Variants in MAPK10 observed in about 807,000 individuals in gnomAD.
MAPK10 encodes the protein JNK3 alpha protein kinase.
MAPK10 carries 25 observed loss-of-function variants against 59.3 expected under a neutral mutation model. The observed-to-expected ratio is 0.42, with a 90% CI of 0.31 to 0.59. The LOEUF is 0.59. Ranked by LOEUF, MAPK10 falls within the 20% of genes least tolerant of loss-of-function variation. MAPK10 has a pLI of 0.15. For synonymous variants in MAPK10, 190 were observed against 200.5 expected, an observed-to-expected ratio of 0.95 and a Z score of 0.44; for missense variants, 351 against 568.9, an observed-to-expected ratio of 0.62 and a Z score of 3.90.
chr4:86,186,170 G>C (rs1582233914), intron 3 of MAPK10, among the ~76,000 whole-genome samples: 2 of 152,030 alleles, frequency 1.3e-5, no homozygotes. Context: ...TAAAATATAG[G>C]TATTATTATT....
Position 86,159,321 on chromosome 4 carries a change from G to C in MAPK10, c.213C>G (p.Gly71=). 1 of 1,611,210 alleles carries C rather than the reference G, an allele frequency of 6.2e-7. No individual in the cohort carries two copies. Among genetic ancestry groups the C allele is most frequent in the Non-Finnish European group, 8.5e-7 (1 of 1,178,314 alleles). ...LKRYQNLKPI[G]SGAQGIVCAA... ...ACCAAACTATGCCCTGAGCCCCAGA[G>C]CCAATAGGCTTTAGATTCTGGTAGC... Residue 71 remains glycine, a synonymous_variant, in exon 4 of 14, where the codon GGC becomes GGG. Coordinates refer to ENST00000641462, the MANE Select transcript of MAPK10 (RefSeq NM_138982.4).
At chr4:86,153,167 A>T (rs549010984) in intron 4 of MAPK10, among the ~76,000 whole-genome samples, 14 of 152,346 alleles carry the variant, frequency 9.2e-5, no homozygotes, top group South Asian at 8.3e-4. Context: ...GCATCACTTA[A>T]CTATTTAATC....
At chr4:86,204,820 G>A (rs74820938) in intron 2 of MAPK10, among the ~76,000 whole-genome samples, 12,878 of 151,854 alleles carry the variant, frequency 0.085, 1,204 homozygotes, top group African/African-American at 0.23. Flanking sequence ...ATTGTAGATG[G>A]GGAAATGGCA....
chr4:86,210,645 A>T (rs1454209947), intron 2 of MAPK10, among the ~76,000 whole-genome samples: 1 of 151,940 alleles, frequency 6.6e-6, no homozygotes, highest in Non-Finnish European at 1.5e-5. Flanking sequence ...CATGAAAATT[A>T]AAAACTTTAA....
intron 11 of MAPK10, among the ~76,000 whole-genome samples, chr4:86,045,167 G>C (rs1392295654): frequency 6.6e-6 from 1 of 151,564 alleles, no homozygotes; most frequent in Non-Finnish European, 1.5e-5. Flanking sequence ...CTGTTCTGTA[G>C]TTTTCTCAGA....
rs115247117 is a variant in MAPK10, at chr4:86,485,947, G to A, written c.-263+107963C>T. On this transcript the variant is annotated intron_variant, in intron 1 of 4. Transcript: ENST00000502302. ...GCACCTTTATTGTGAACTTCCAGCC[G>A]CCTGAGAAGTGAAAAATAAAATTCT... Among the ~76,000 whole-genome samples, 1,448 of 152,278 alleles carry A rather than the reference G, an allele frequency of 9.5e-3. 6 individuals are homozygous for A. Among genetic ancestry groups the A allele is most frequent in the Non-Finnish European group, 0.014 (967 of 68,020 alleles).
At position 86,478,018 on chromosome 4, in the gene MAPK10, G is replaced by A. The variant is rs189472768; in HGVS notation, c.-263+115892C>T. ...TTCTTCCTCATCTGTTACCTATCTC[G>A]GCATAATTATCATAAAAACACACGT... is the stretch of plus-strand genomic sequence containing the variant. On this transcript the variant is annotated intron_variant, in intron 1 of 4. Coordinates refer to the MAPK10 transcript ENST00000502302. Among the ~76,000 whole-genome samples, 7 of 152,080 alleles carry A rather than the reference G, an allele frequency of 4.6e-5. No homozygotes were observed. In the East Asian group the frequency reaches 7.7e-4, roughly 17 times the overall value.
chr4:86,549,541 A>G (rs1470655121), intron 1 of MAPK10, among the ~76,000 whole-genome samples: 2 of 152,218 alleles, frequency 1.3e-5, no homozygotes, highest in African/African-American at 4.8e-5. Flanking sequence ...AGCTTACAGG[A>G]CTGGAAGTTG....
chr4:86,300,650 A>G (rs538806314), intron 2 of MAPK10: 15 of 152,218 alleles, frequency 9.9e-5, no homozygotes, highest in Admixed American at 1.3e-4. Flanking sequence ...TCCATGTGCT[A>G]TATTTGTAGA....
chr4:86,059,396 C>T (rs1041782288), intron 11 of MAPK10, among the ~76,000 whole-genome samples: 1 of 151,980 alleles, frequency 6.6e-6, no homozygotes, highest in Non-Finnish European at 1.5e-5. Flanking sequence ...CATTTAAGAC[C>T]CTCTTAATCA....
At chr4:86,064,428 T>C (rs1295874428) in intron 10 of MAPK10, 38 bp from the exon 11 acceptor site, 4 of 1,608,908 alleles carry the variant, frequency 2.5e-6, no homozygotes, top group Non-Finnish European at 3.4e-6. Context: ...AGTAAGATTT[T>C]GATTTCAGTA....
At chr4:86,193,542 G>A (rs1197150232) in intron 3 of MAPK10, 3 of 152,270 alleles carry the variant, frequency 2.0e-5, no homozygotes, top group Non-Finnish European at 4.4e-5. Flanking sequence ...CAGCATCTTT[G>A]TTTACACTGT....
intron 2 of MAPK10, among the ~76,000 whole-genome samples, chr4:86,246,560 G>T (rs1378529331): frequency 6.6e-6 from 1 of 152,168 alleles, no homozygotes; most frequent in East Asian, 1.9e-4. Flanking sequence ...GCCAATTTTG[G>T]TTAAATCATT....
chr4:86,348,451 T>C (rs1729422942), intron 2 of MAPK10, among the ~76,000 whole-genome samples: 1 of 152,170 alleles, frequency 6.6e-6, no homozygotes, highest in Admixed American at 6.6e-5. Flanking sequence ...TGTAGTTCTT[T>C]ATTATAACCC....
intron 1 of MAPK10, among the ~76,000 whole-genome samples, chr4:86,479,084 T>C (rs1753360089): frequency 6.6e-6 from 1 of 152,116 alleles, no homozygotes; most frequent in Non-Finnish European, 1.5e-5. Flanking sequence ...ACACTTTCAC[T>C]GGATAGGTAG....
At chr4:86,102,501 G>A (rs12646571) in intron 6 of MAPK10, 5,338 of 153,706 alleles carry the variant, frequency 0.035, 219 homozygotes, top group African/African-American at 0.1. Flanking sequence ...TAATTTTCAC[G>A]TCCCTTTTAT....
chr4:86,321,613 T>A (rs1365821613), intron 2 of MAPK10, among the ~76,000 whole-genome samples: 2 of 148,438 alleles, frequency 1.3e-5, no homozygotes, highest in Non-Finnish European at 3.0e-5. Flanking sequence ...GAGGGATAGC[T>A]TTAGGAGATA....
At chr4:86,189,088 G>C (rs148500402) in intron 3 of MAPK10, among the ~76,000 whole-genome samples, 73 of 152,270 alleles carry the variant, frequency 4.8e-4, no homozygotes, top group African/African-American at 1.6e-3. Flanking sequence ...CCTCTGTTCT[G>C]TTCCATTGGT....
chr4:86,112,361 A>G (rs562843219), intron 4 of MAPK10, among the ~76,000 whole-genome samples: 3 of 152,086 alleles, frequency 2.0e-5, no homozygotes, highest in Non-Finnish European at 4.4e-5. Flanking sequence ...AGAGCTATAA[A>G]TTTCCCTCCT....
Sources: allele counts gnomAD v4.1 joint callset (sites outside exome capture counted in the v4.1 genomes callset), GRCh38; gene constraint gnomAD v4.1.1; transcripts MANE v1.5; gene names NCBI Gene and HGNC (gene_info 2026-07-23, HGNC 2026-07-21).